Variants in GAPVD1 observed in about 807,000 individuals in gnomAD.
GAPVD1 encodes GTPase-activating protein and VPS9 domain-containing protein 1.
Under a neutral mutation model 155.5 loss-of-function variants are expected in GAPVD1, and 35 were observed. The ratio of observed to expected loss-of-function variants is 0.23; its 90% CI spans 0.17 to 0.30. The LOEUF (loss-of-function observed/expected upper bound fraction) is 0.30, where lower values mean the gene tolerates loss of function less well. Among genes scored for constraint, GAPVD1 ranks in the 10% least tolerant of loss-of-function variants. The probability of loss-of-function intolerance (pLI) is 1.00; values close to 1 mark genes in which losing one functional copy is unlikely to be tolerated. For missense variants in GAPVD1, 1,429 were observed against 1,775.7 expected, an observed-to-expected ratio of 0.80 and a Z score of 3.51; for synonymous variants, 636 against 619.7, an observed-to-expected ratio of 1.03 and a Z score of -0.39.
In GAPVD1 at chr9:125,364,925, T is replaced by C. The variant is rs951384735; in HGVS notation, c.*2179T>C. 13 of 152,624 alleles carry C rather than the reference T, an allele frequency of 8.5e-5. No individual in the cohort carries two copies. The highest frequency in any genetic ancestry group is 3.1e-4 in the African/African-American group (13 of 41,448). The allele number at this position is 152,624 out of a possible 1,614,324, so 9.5% of individuals were successfully genotyped here. A position where few individuals can be genotyped will look rare whatever the true frequency, so the allele number is the denominator to read the frequency against. On this transcript the variant is annotated 3_prime_UTR_variant, in exon 28 of 28. Coordinates refer to ENST00000297933, the MANE Select transcript of GAPVD1 (RefSeq NM_001282680.3). ...TTACAGGATTTAACTCATAAACCAATGAGAGATTTTTTTTTTCTCTGCAAT... is the reference window on the plus strand; with the variant it reads ...TTACAGGATTTAACTCATAAACCAACGAGAGATTTTTTTTTTCTCTGCAAT...
chr9:125,264,707 C>A (rs1833544386), intron 1 of GAPVD1, among the ~76,000 whole-genome samples: 1 of 150,732 alleles, frequency 6.6e-6, no homozygotes. Flanking sequence ...TTCTTTAAAT[C>A]ATGGAGGTGG....
chr9:125,344,807 TA>T (rs1189792717), intron 19 of GAPVD1, among the ~76,000 whole-genome samples: 1,875 of 133,922 alleles, frequency 0.014, 24 homozygotes, highest in African/African-American at 0.038. Flanking sequence ...TTGTTTCTAT[TA>T]AAAAAAAAAA....
intron 4 of GAPVD1, among the ~76,000 whole-genome samples, chr9:125,301,297 T>C (rs937573696): frequency 6.6e-6 from 1 of 152,166 alleles, no homozygotes; most frequent in African/African-American, 2.4e-5. Context: ...CTTGAACTCC[T>C]GGGCTCAAGT....
chr9:125,307,305 A>G lies in GAPVD1; in HGVS notation c.1117-108A>G, dbSNP rs1000645141. The G allele has an allele frequency of 2.5e-5, 18 of 709,408 alleles. No homozygotes were observed. In the African/African-American group the frequency reaches 2.9e-4, roughly 12 times the overall value. 43.9% of individuals were successfully genotyped at this position (709,408 alleles called of 1,614,324 possible). On this transcript the variant is annotated intron_variant, in intron 6 of 27. Coordinates refer to ENST00000297933, the MANE Select transcript of GAPVD1 (RefSeq NM_001282680.3). Reference sequence around the variant, plus strand: ...AAAAAATTCAACATCTTAAAAAAATATGATTTTTAAGATGTTTAAATTTTT... The same window carrying G: ...AAAAAATTCAACATCTTAAAAAAATGTGATTTTTAAGATGTTTAAATTTTT...
chr9:125,327,878 A>G (rs973008707), intron 12 of GAPVD1, among the ~76,000 whole-genome samples: 2 of 152,206 alleles, frequency 1.3e-5, no homozygotes, highest in Admixed American at 6.5e-5. Flanking sequence ...ACTCAGTTTC[A>G]GGAGTTAGAC....
At chr9:125,301,759 T>C (rs959101695) in intron 4 of GAPVD1, among the ~76,000 whole-genome samples, 5 of 152,128 alleles carry the variant, frequency 3.3e-5, no homozygotes, top group Admixed American at 2.6e-4. Context: ...CCCAATACTT[T>C]TCATTGATTC....
Position 125,360,875 on chromosome 9 carries a change from C to G in GAPVD1, c.4242+150C>G, listed in dbSNP as rs1850808620. On this transcript the variant is annotated intron_variant, in intron 27 of 27. Transcript: ENST00000297933. ...AAAGTGCCTAATGTCAAGATTTGTTCTTTTGAGACAGAATCTCACTCTGTC... is the reference window on the plus strand; with the variant it reads ...AAAGTGCCTAATGTCAAGATTTGTTGTTTTGAGACAGAATCTCACTCTGTC... 7 of 640,640 alleles carry G rather than the reference C, an allele frequency of 1.1e-5. No individual in the cohort carries two copies. In the South Asian group the frequency reaches 1.1e-4, roughly 10 times the overall value. The allele number at this position is 640,640 out of a possible 1,614,324, so 39.7% of individuals were successfully genotyped here. A position where few individuals can be genotyped will look rare whatever the true frequency, so the allele number is the denominator to read the frequency against.
In GAPVD1 at chr9:125,320,061, T is replaced by A. The variant is rs77878441; in HGVS notation, c.1603-1372T>A. Among the ~76,000 whole-genome samples the A allele has an allele frequency of 1.1e-4, 16 of 152,326 alleles. No homozygotes were observed. The East Asian group carries it at 3.1e-3, about 29-fold the overall frequency. ...ATTGTATCTATTTATGGTATACATGTTTTGATATACATTGTGGAATGGCTG... is the reference window on the plus strand; with the variant it reads ...ATTGTATCTATTTATGGTATACATGATTTGATATACATTGTGGAATGGCTG... On this transcript the variant is annotated intron_variant, in intron 9 of 27. Transcript: ENST00000297933.
Position 125,362,929 on chromosome 9 carries a change from G to T in GAPVD1, c.*183G>T. The T allele has an allele frequency of 2.5e-6, 1 of 403,966 alleles. No homozygotes were observed. Among genetic ancestry groups the T allele is most frequent in the Non-Finnish European group, 4.4e-6 (1 of 228,612 alleles). 25.0% of individuals were successfully genotyped at this position (403,966 alleles called of 1,614,324 possible). On this transcript the variant is annotated 3_prime_UTR_variant, in exon 28 of 28. Transcript: ENST00000297933. ...AACAAGCAGGTTCTCTCGTCTTTGG[G>T]CTCTTTCCTTTCTGAGTTGCATATT... is the stretch of plus-strand genomic sequence containing the variant.
chr9:125,280,532 C>T (rs897390563), intron 2 of GAPVD1, among the ~76,000 whole-genome samples: 1 of 151,084 alleles, frequency 6.6e-6, no homozygotes, highest in Non-Finnish European at 1.5e-5. Context: ...TTATTCTTTA[C>T]TGCTGATCAG....
chr9:125,294,776 A>T (rs568143568), intron 2 of GAPVD1, among the ~76,000 whole-genome samples: 6 of 151,200 alleles, frequency 4.0e-5, no homozygotes, highest in African/African-American at 1.5e-4. Flanking sequence ...TAAAGAATTT[A>T]AGCTCAGTCA....
Position 125,364,538 on chromosome 9 carries a change from C to T in GAPVD1, c.*1792C>T, listed in dbSNP as rs1851326387. The T allele has an allele frequency of 6.6e-6, 1 of 152,234 alleles. No individual in the cohort carries two copies. The highest frequency in any genetic ancestry group is 1.5e-5 in the Non-Finnish European group (1 of 68,056). The allele number at this position is 152,234 out of a possible 1,614,324, so 9.4% of individuals were successfully genotyped here. A position where few individuals can be genotyped will look rare whatever the true frequency, so the allele number is the denominator to read the frequency against. ...GATTACAAGCGTGAACCACCCTGCC[C>T]AGCCAGAAACTAGATTTTCTTTATG... On this transcript the variant is annotated 3_prime_UTR_variant, in exon 28 of 28. Coordinates refer to ENST00000297933, the MANE Select transcript of GAPVD1 (RefSeq NM_001282680.3).
chr9:125,357,880 CAGG>C (rs1218623845), intron 25 of GAPVD1, among the ~76,000 whole-genome samples: 2 of 150,580 alleles, frequency 1.3e-5, no homozygotes, highest in African/African-American at 4.9e-5. Flanking sequence ...GAGACTGAAG[CAGG>C]AGGATTGCTT....
In GAPVD1 at chr9:125,286,318, T is replaced by C. The variant is rs560074920; in HGVS notation, c.-149-9140T>C. 3.9e-5 allele frequency among the ~76,000 whole-genome samples: 6 copies of C among 152,244 alleles called. No homozygotes were observed. In the East Asian group the frequency reaches 9.7e-4, roughly 24 times the overall value. Reference sequence around the variant, plus strand: ...TGTTGTTTTCTTTGTTTTTTATTTATTTTTTGATAGAGATGGAGTTTTGCC... The same window carrying C: ...TGTTGTTTTCTTTGTTTTTTATTTACTTTTTGATAGAGATGGAGTTTTGCC... On this transcript the variant is annotated intron_variant, in intron 2 of 27. Transcript: ENST00000297933.
intron 26 of GAPVD1, 67 bp from the exon 27 acceptor site, chr9:125,360,461 T>G: frequency 8.1e-7 from 1 of 1,237,662 alleles, no homozygotes; most frequent in Non-Finnish European, 1.2e-6. Flanking sequence ...ACACGGAGGT[T>G]GCAGTAGTCA....
chr9:125,262,767 A>G (rs1197543626), intron 1 of GAPVD1, among the ~76,000 whole-genome samples: 3 of 152,200 alleles, frequency 2.0e-5, no homozygotes, highest in Admixed American at 6.5e-5. Flanking sequence ...CTTTCACTAG[A>G]AGGAGGATAA....
chr9:125,309,615 G>T (rs1842364525), intron 8 of GAPVD1, among the ~76,000 whole-genome samples: 1 of 152,206 alleles, frequency 6.6e-6, no homozygotes, highest in South Asian at 2.1e-4. Context: ...GATTACAGGT[G>T]TGAGCCACCG....
At chr9:125,311,365 T>G (rs1036294402) in intron 8 of GAPVD1, among the ~76,000 whole-genome samples, 1 of 152,204 alleles carries the variant, frequency 6.6e-6, no homozygotes, top group Middle Eastern at 3.2e-3. Context: ...CTCATGCCTG[T>G]AATCCCAGCA....
At position 125,283,026 on chromosome 9, in the gene GAPVD1, ATTTT is replaced by A. The variant is rs1162821538; in HGVS notation, c.-149-12430_-149-12427del. 7.3e-4 allele frequency among the ~76,000 whole-genome samples: 101 copies of A among 138,114 alleles called. 1 individual carries two copies. Among genetic ancestry groups the A allele is most frequent in the South Asian group, 5.4e-3 (24 of 4,432 alleles). The allele number at this position is 138,114 out of a possible 152,430, so 90.6% of individuals were successfully genotyped here. ...TAGCTGTTACTTAAAGTTTATTTTT[ATTTT>A]TATTTATTTATTTATTTATTTATTT... is the stretch of plus-strand genomic sequence containing the variant. On this transcript the variant is annotated intron_variant, in intron 2 of 27. Transcript: ENST00000297933.
Sources: allele counts gnomAD v4.1 joint callset (sites outside exome capture counted in the v4.1 genomes callset), GRCh38; gene constraint gnomAD v4.1.1; transcripts MANE v1.5; gene names NCBI Gene and HGNC (gene_info 2026-07-23, HGNC 2026-07-21).